Variants in NPHP1 observed in about 807,000 individuals in gnomAD.
NPHP1 encodes nephrocystin 1, also known as nephrocystin-1.
In NPHP1, 70 loss-of-function variants were observed where a neutral mutation model predicts 90.4. The ratio of observed to expected loss-of-function variants is 0.77; its 90% CI spans 0.64 to 0.95. NPHP1 has a LOEUF of 0.95. Ranked by LOEUF, NPHP1 falls within the 40% of genes least tolerant of loss-of-function variation. The probability of loss-of-function intolerance (pLI) is 0.00; values close to 1 mark genes in which losing one functional copy is unlikely to be tolerated. For missense variants in NPHP1, 764 were observed against 795.9 expected (o/e 0.96, Z 0.48); for synonymous variants, 256 against 271.7 (o/e 0.94, Z 0.57).
At chr2:110,195,033 A>G (rs1054344051) in intron 2 of NPHP1, among the ~76,000 whole-genome samples, 2 of 152,176 alleles carry the variant, frequency 1.3e-5, no homozygotes, top group Non-Finnish European at 2.9e-5. Context: ...TATCTAAGAC[A>G]AACCCACAGC....
intron 18 of NPHP1, chr2:110,127,636 T>C (rs1016758634): frequency 9.9e-5 from 15 of 152,090 alleles, no homozygotes; most frequent in African/African-American, 3.6e-4. Flanking sequence ...TTTACCCTCA[T>C]GCTTTCAAGC....
intron 2 of NPHP1, among the ~76,000 whole-genome samples, chr2:110,197,940 A>C: frequency 6.6e-6 from 1 of 152,194 alleles, no homozygotes. Flanking sequence ...CTATGTAATT[A>C]TTAAAATCCT....
chr2:110,128,819 T>G, intron 18 of NPHP1: 1 of 274,886 alleles, frequency 3.6e-6, no homozygotes, highest in Non-Finnish European at 7.0e-6. Flanking sequence ...ACAGCACACA[T>G]GGAATTAAAG....
intron 1 of NPHP1, among the ~76,000 whole-genome samples, chr2:110,203,804 GTT>G (rs529602848): frequency 6.9e-6 from 1 of 144,216 alleles, no homozygotes. Flanking sequence ...TTTTTAAAAA[GTT>G]TTTTTTTTTT....
At chr2:110,148,443 C>A (rs547775010) in intron 12 of NPHP1, among the ~76,000 whole-genome samples, 2 of 152,100 alleles carry the variant, frequency 1.3e-5, no homozygotes, top group Non-Finnish European at 2.9e-5. Context: ...AATTAACCAG[C>A]CTCATGCATT....
chr2:110,136,139 C>T (rs961048602), intron 16 of NPHP1, among the ~76,000 whole-genome samples: 3 of 152,104 alleles, frequency 2.0e-5, no homozygotes, highest in African/African-American at 7.2e-5. Context: ...ATGCTAAAAA[C>T]TCTCAATAAA....
intron 2 of NPHP1, among the ~76,000 whole-genome samples, chr2:110,198,141 A>G (rs933255310): frequency 1.3e-5 from 2 of 152,114 alleles, no homozygotes; most frequent in Non-Finnish European, 2.9e-5. Flanking sequence ...TCCATGGAAA[A>G]AGGCTGGAAG....
chr2:110,177,972 C>T, intron 4 of NPHP1: 2 of 190,666 alleles, frequency 1.0e-5, no homozygotes, highest in Non-Finnish European at 2.1e-5. Flanking sequence ...AACTCCTGGC[C>T]TCAAGTGATC....
intron 2 of NPHP1, among the ~76,000 whole-genome samples, chr2:110,185,519 A>G (rs1031713680): frequency 1.3e-5 from 2 of 151,782 alleles, no homozygotes; most frequent in East Asian, 3.9e-4. Context: ...GAGATAAACC[A>G]CCCCCTGGGA....
chr2:110,178,926 A>G (rs908438041), intron 3 of NPHP1: 3 of 173,754 alleles, frequency 1.7e-5, no homozygotes, highest in African/African-American at 7.2e-5. Flanking sequence ...GAGAGCTTCA[A>G]TTTCCTCACC....
In NPHP1 at chr2:110,184,255, G is replaced by A. The variant is rs1339960943; in HGVS notation, c.144-4571C>T. 5.1e-6 allele frequency: 3 copies of A among 584,316 alleles called. No homozygotes were observed. In the East Asian group the frequency reaches 1.3e-4, roughly 25 times the overall value. The allele number at this position is 584,316 out of a possible 1,614,324, so 36.2% of individuals were successfully genotyped here. ...GGCTTCAAAGCCAAGGAGCACCAAGGGCTGCTCTCAATCTGCTATCTCACG... is the reference window on the plus strand; with the variant it reads ...GGCTTCAAAGCCAAGGAGCACCAAGAGCTGCTCTCAATCTGCTATCTCACG... On this transcript the variant is annotated intron_variant, in intron 2 of 19. Transcript: ENST00000445609.
At chr2:110,140,766 A>C (rs1680564816) in intron 16 of NPHP1, among the ~76,000 whole-genome samples, 2 of 152,176 alleles carry the variant, frequency 1.3e-5, no homozygotes, top group South Asian at 4.1e-4. Context: ...GGCTGGCCAA[A>C]AAAGAGGATT....
chr2:110,134,114 G>A (rs918733208), intron 16 of NPHP1, among the ~76,000 whole-genome samples: 1 of 152,148 alleles, frequency 6.6e-6, no homozygotes, highest in South Asian at 2.1e-4. Context: ...CAAACCTTTA[G>A]TGAGAATGAC....
intron 2 of NPHP1, among the ~76,000 whole-genome samples, chr2:110,179,907 A>C (rs1350563697): frequency 6.6e-6 from 1 of 152,142 alleles, no homozygotes; most frequent in African/African-American, 2.4e-5. Flanking sequence ...AGAAACCTTC[A>C]GTGTCTCTGG....
At chr2:110,204,854 T>G (rs774179366) in intron 1 of NPHP1, 46 bp downstream of exon 1, 1 of 1,598,068 alleles carries the variant, frequency 6.3e-7, no homozygotes, top group East Asian at 2.2e-5. Context: ...CGCAGCTGCG[T>G]CCGCCTGTCG....
At chr2:110,125,867 C>T in intron 18 of NPHP1, 186 bp from the exon 19 acceptor site, 1 of 618,644 alleles carries the variant, frequency 1.6e-6, no homozygotes, top group South Asian at 1.9e-5. Flanking sequence ...AATGACCAGG[C>T]AGATGTATCT....
At chr2:110,127,117 C>T (rs1023780223) in intron 18 of NPHP1, 1 of 152,212 alleles carries the variant, frequency 6.6e-6, no homozygotes, top group African/African-American at 2.4e-5. Flanking sequence ...GGCCCAGGCC[C>T]CTTTGAAGCA....
intron 2 of NPHP1, among the ~76,000 whole-genome samples, chr2:110,180,724 C>T (rs1020027420): frequency 6.6e-6 from 1 of 152,082 alleles, no homozygotes; most frequent in Non-Finnish European, 1.5e-5. Context: ...GAGTGGCATG[C>T]AGCCAAAGGA....
At chr2:110,178,614 C>A in intron 3 of NPHP1, 67 bp from the exon 4 acceptor site, 3 of 1,468,642 alleles carry the variant, frequency 2.0e-6, no homozygotes, top group African/African-American at 1.4e-5. Context: ...AAAAGAACAA[C>A]AAAAAATTCC....
Sources: gnomAD v4.1 joint callset for allele counts (sites outside exome capture counted in the v4.1 genomes callset) on GRCh38, gnomAD v4.1.1 for gene constraint, MANE v1.5 for transcripts, NCBI Gene and HGNC (gene_info 2026-07-23, HGNC 2026-07-21) for gene names.